Variants in NME8 observed in about 807,000 individuals in gnomAD.
NME8 encodes NME/NM23 family member 8.
Under a neutral mutation model 82.3 loss-of-function variants are expected in NME8, and 72 were observed. The ratio of observed to expected loss-of-function variants is 0.87; its 90% confidence interval spans 0.72 to 1.06. The LOEUF (loss-of-function observed/expected upper bound fraction) is 1.06. NME8 is among the 50% of genes least tolerant of loss of function. The pLI, the probability that NME8 is intolerant of heterozygous loss-of-function variation, is 0.00. For missense variants in NME8, 712 were observed against 685.4 expected, an observed-to-expected ratio of 1.04 and a Z score of -0.43; for synonymous variants, 267 against 228.5, an observed-to-expected ratio of 1.17 and a Z score of -1.52.
At chr7:37,882,269 T>C (rs1466532471) in intron 12 of NME8, among the ~76,000 whole-genome samples, 2 of 152,052 alleles carry the variant, frequency 1.3e-5, no homozygotes, top group African/African-American at 4.8e-5. Flanking sequence ...GCCGCATTGC[T>C]TGAGCCCAGG....
Position 37,867,910 on chromosome 7 carries a change from GA to G in NME8, c.818+13del. On this transcript the variant is annotated intron_variant, in intron 11 of 17. Coordinates refer to ENST00000199447, the MANE Select transcript of NME8 (RefSeq NM_016616.5). ...AACAAACAAGACAGGTATAGCTCAA[GA>G]CCAGGAATTGTGTTACTTGCAATGT... 1 of 1,611,936 alleles carries G rather than the reference GA, an allele frequency of 6.2e-7. No individual in the cohort carries two copies. The highest frequency in any genetic ancestry group is 8.5e-7 in the Non-Finnish European group (1 of 1,178,516).
intron 15 of NME8, among the ~76,000 whole-genome samples, chr7:37,889,097 G>T (rs1262828827): frequency 6.6e-6 from 1 of 151,630 alleles, no homozygotes; most frequent in Non-Finnish European, 1.5e-5. Flanking sequence ...TTATTTGATT[G>T]CTTTCTCTGT....
At chr7:37,859,685 G>A (rs1220408908) in intron 6 of NME8, among the ~76,000 whole-genome samples, 1 of 152,142 alleles carries the variant, frequency 6.6e-6, no homozygotes. Context: ...GATGACTGAA[G>A]TCTTTGGCGT....
At chr7:37,869,208 T>C (rs941269283) in intron 11 of NME8, among the ~76,000 whole-genome samples, 6 of 152,228 alleles carry the variant, frequency 3.9e-5, no homozygotes, top group Middle Eastern at 3.4e-3. Context: ...AAGTGGGAGA[T>C]CCTAATATCA....
At chr7:37,862,561 G>C (rs1476242402) in intron 7 of NME8, among the ~76,000 whole-genome samples, 2 of 151,632 alleles carry the variant, frequency 1.3e-5, no homozygotes, top group Non-Finnish European at 2.9e-5. Flanking sequence ...TTTGAAATTT[G>C]TAAGAACATA....
intron 12 of NME8, among the ~76,000 whole-genome samples, chr7:37,883,414 A>T (rs1784994076): frequency 6.6e-6 from 1 of 152,160 alleles, no homozygotes; most frequent in South Asian, 2.1e-4. Flanking sequence ...GAAGCAAATT[A>T]TTTCTTAAAC....
chr7:37,887,411 T>C (rs1201843005), intron 14 of NME8, among the ~76,000 whole-genome samples: 2 of 152,194 alleles, frequency 1.3e-5, no homozygotes, highest in African/African-American at 2.4e-5. Context: ...TGTGAAGCAT[T>C]ATCACATGGT....
At chr7:37,859,501 A>G (rs1162855827) in intron 6 of NME8, among the ~76,000 whole-genome samples, 1 of 152,208 alleles carries the variant, frequency 6.6e-6, no homozygotes, top group Admixed American at 6.6e-5. Context: ...TCCACAGCCC[A>G]GAAGTGATAA....
In NME8 at chr7:37,874,567, A is replaced by G. The variant is rs73340814; in HGVS notation, c.819-2265A>G. Among the ~76,000 whole-genome samples the G allele has an allele frequency of 7.0e-3, 1,061 of 152,290 alleles. 5 individuals are homozygous for G. The highest frequency in any genetic ancestry group is 0.02 in the African/African-American group (836 of 41,554). On this transcript the variant is annotated intron_variant, in intron 11 of 17. Transcript: ENST00000199447. ...AAACTTCCACATTAACAAGGGAAAA[A>G]CATGGAATGAAGAGCAGTTTGCTCA...
At chr7:37,867,237 G>T (rs996158763) in intron 10 of NME8, among the ~76,000 whole-genome samples, 28 of 151,274 alleles carry the variant, frequency 1.9e-4, no homozygotes, top group Admixed American at 1.3e-3. Flanking sequence ...TTAGGGTAAA[G>T]ATCTTGAGGC....
At chr7:37,898,782 G>T (rs1033885820) in intron 17 of NME8, among the ~76,000 whole-genome samples, 2 of 152,142 alleles carry the variant, frequency 1.3e-5, no homozygotes, top group East Asian at 3.9e-4. Flanking sequence ...TTTGGAAATT[G>T]TTTGTGGTGA....
intron 16 of NME8, among the ~76,000 whole-genome samples, 164 bp downstream of exon 16, chr7:37,894,774 C>T (rs1041661982): frequency 2.6e-5 from 4 of 151,760 alleles, no homozygotes; most frequent in Non-Finnish European, 4.4e-5. Flanking sequence ...TCCTTACCTC[C>T]CTCCCTATCT....
chr7:37,878,432 G>T (rs888388616), intron 12 of NME8, among the ~76,000 whole-genome samples: 3 of 152,062 alleles, frequency 2.0e-5, no homozygotes, highest in Admixed American at 2.0e-4. Context: ...GTTTTTATCT[G>T]GTTTTGGTGT....
At chr7:37,858,092 A>T (rs777122901) in intron 6 of NME8, among the ~76,000 whole-genome samples, 14 of 152,168 alleles carry the variant, frequency 9.2e-5, no homozygotes, top group Non-Finnish European at 1.6e-4. Flanking sequence ...TTAGAAAGAC[A>T]TAAATAGTGC....
chr7:37,878,937 A>G (rs1207393054), intron 12 of NME8, among the ~76,000 whole-genome samples: 3 of 152,066 alleles, frequency 2.0e-5, no homozygotes, highest in Non-Finnish European at 4.4e-5. Flanking sequence ...ATGGATTGTG[A>G]CAAATGCATA....
intron 9 of NME8, among the ~76,000 whole-genome samples, chr7:37,864,999 T>C (rs1784656215): frequency 6.6e-6 from 1 of 152,158 alleles, no homozygotes; most frequent in African/African-American, 2.4e-5. Context: ...GAGTTTAAAA[T>C]TCAAGGTGAG....
At chr7:37,873,544 G>A (rs905127814) in intron 11 of NME8, among the ~76,000 whole-genome samples, 22 of 150,402 alleles carry the variant, frequency 1.5e-4, no homozygotes, top group Admixed American at 8.0e-4. Flanking sequence ...CACAGAAAAT[G>A]AAGTAGTTTT....
At chr7:37,892,058 A>G (rs1785137133) in intron 15 of NME8, among the ~76,000 whole-genome samples, 1 of 151,962 alleles carries the variant, frequency 6.6e-6, no homozygotes, top group Non-Finnish European at 1.5e-5. Context: ...TTGACAGAGT[A>G]TCTCTATTCT....
intron 12 of NME8, among the ~76,000 whole-genome samples, chr7:37,883,789 C>G (rs549253863): frequency 1.3e-5 from 2 of 152,266 alleles, no homozygotes; most frequent in Non-Finnish European, 2.9e-5. Flanking sequence ...ATTGGATTTT[C>G]TAGGCTTCTG....
Sources: allele counts gnomAD v4.1 joint callset (sites outside exome capture counted in the v4.1 genomes callset), GRCh38; gene constraint gnomAD v4.1.1; transcripts MANE v1.5; gene names NCBI Gene and HGNC (gene_info 2026-07-23, HGNC 2026-07-21).